Variants in RBFOX1 observed in about 807,000 individuals in gnomAD.
RBFOX1 encodes RNA binding protein fox-1 homolog 1.
RBFOX1 carries 8 observed loss-of-function variants against 57.7 expected under a neutral mutation model. The ratio of observed to expected loss-of-function variants is 0.14; its 90% CI spans 0.08 to 0.25. The LOEUF is 0.25. Among genes scored for constraint, RBFOX1 ranks in the 10% least tolerant of loss-of-function variants. RBFOX1 has a pLI of 1.00. For synonymous variants in RBFOX1, 326 were observed against 222.4 expected (o/e 1.47, Z -4.15); for missense variants, 611 against 548.5 (o/e 1.11, Z -1.14).
intron 2 of RBFOX1, among the ~76,000 whole-genome samples, chr16:6,584,689 A>T (rs570381975): frequency 1.3e-5 from 2 of 152,144 alleles, no homozygotes; most frequent in East Asian, 3.9e-4. Context: ...TTTAAAATAC[A>T]GCACCCCTGA....
chr16:5,495,875 C>T (rs1308508269), intron 2 of RBFOX1, among the ~76,000 whole-genome samples: 7 of 152,220 alleles, frequency 4.6e-5, no homozygotes, highest in African/African-American at 1.2e-4. Context: ...CCTGTAATCC[C>T]GGCACTGTGG....
chr16:7,269,928 T>G (rs987388025), intron 4 of RBFOX1, among the ~76,000 whole-genome samples: 4 of 152,252 alleles, frequency 2.6e-5, no homozygotes, highest in African/African-American at 7.2e-5. Flanking sequence ...TTATTTGGTA[T>G]TATTACATAC....
intron 2 of RBFOX1, among the ~76,000 whole-genome samples, chr16:5,478,559 A>G (rs1453388548): frequency 1.3e-5 from 2 of 152,228 alleles, no homozygotes; most frequent in Admixed American, 6.5e-5. Context: ...CATTGGCCTT[A>G]TGAATGCAGG....
chr16:7,435,041 C>T (rs2098711254), intron 4 of RBFOX1, among the ~76,000 whole-genome samples: 1 of 152,172 alleles, frequency 6.6e-6, no homozygotes, highest in African/African-American at 2.4e-5. Flanking sequence ...TCATATTTTA[C>T]ATATGGTACG....
intron 1 of RBFOX1, among the ~76,000 whole-genome samples, chr16:6,221,015 A>G (rs1028045685): frequency 6.6e-6 from 1 of 152,002 alleles, no homozygotes; most frequent in Admixed American, 6.6e-5. Flanking sequence ...AATTGTCATT[A>G]TATTAGGTGA....
chr16:7,199,418 T>C (rs968950901), intron 4 of RBFOX1, among the ~76,000 whole-genome samples: 5 of 152,210 alleles, frequency 3.3e-5, no homozygotes, highest in Admixed American at 2.6e-4. Context: ...CCCTGAATCA[T>C]GCACTTCAAA....
intron 3 of RBFOX1, among the ~76,000 whole-genome samples, chr16:5,764,656 T>TTCTTTCCAGTC (rs1270096524): frequency 6.6e-6 from 1 of 152,114 alleles, no homozygotes; most frequent in Non-Finnish European, 1.5e-5. Context: ...GAGGCAATTA[T>TTCTTTCCAGTC]CAGTAAACCA....
At chr16:7,473,747 C>G (rs981591547) in intron 4 of RBFOX1, among the ~76,000 whole-genome samples, 7 of 152,018 alleles carry the variant, frequency 4.6e-5, no homozygotes, top group African/African-American at 9.7e-5. Context: ...CCTCCCCAAC[C>G]TCCACTTCTT....
At chr16:6,855,188 G>T (rs1371676534) in intron 3 of RBFOX1, among the ~76,000 whole-genome samples, 2 of 152,020 alleles carry the variant, frequency 1.3e-5, no homozygotes, top group Non-Finnish European at 2.9e-5. Context: ...GATATCCCCA[G>T]TACCCAATAT....
chr16:7,158,740 G>C (rs961866635), intron 4 of RBFOX1, among the ~76,000 whole-genome samples: 2 of 151,794 alleles, frequency 1.3e-5, no homozygotes, highest in African/African-American at 4.8e-5. Context: ...GGTGTGTGTT[G>C]TTTCTGGGTG....
intron 2 of RBFOX1, among the ~76,000 whole-genome samples, chr16:6,603,921 G>C (rs994713519): frequency 6.6e-6 from 1 of 151,090 alleles, no homozygotes. Context: ...GCTCTGGGGC[G>C]AGGGGGCTGT....
At chr16:6,134,514 G>A (rs1027342021) in intron 1 of RBFOX1, among the ~76,000 whole-genome samples, 11 of 152,016 alleles carry the variant, frequency 7.2e-5, no homozygotes, top group South Asian at 2.1e-4. Context: ...CTGTGAGCTC[G>A]GGGAAACCTA....
chr16:6,584,236 A>G lies in RBFOX1; in HGVS notation c.-63-70367A>G, dbSNP rs541523789. ...GTAGATGAAGTTTTAGGGCCCATCA[A>G]AGGTAGTACTCTGAGTGTGATCAAA... On this transcript the variant is annotated intron_variant, in intron 2 of 15. Transcript: ENST00000550418. Among the ~76,000 whole-genome samples, 18 of 151,704 alleles carry G rather than the reference A, an allele frequency of 1.2e-4. No individual in the cohort carries two copies. In the South Asian group the frequency reaches 3.5e-3, roughly 30 times the overall value.
chr16:6,849,166 GCTGAACACT>G (rs1413769962), intron 3 of RBFOX1, among the ~76,000 whole-genome samples: 10 of 152,164 alleles, frequency 6.6e-5, no homozygotes, highest in African/African-American at 2.4e-4. Flanking sequence ...CAAGTAACTT[GCTGAACACT>G]CTTGAATGTA....
intron 2 of RBFOX1, among the ~76,000 whole-genome samples, chr16:6,639,016 C>T (rs1484101321): frequency 2.0e-5 from 3 of 152,198 alleles, no homozygotes; most frequent in East Asian, 3.9e-4. Flanking sequence ...CTGAAAGTAT[C>T]AGTTTCCAAG....
At chr16:5,937,219 G>A (rs976751536) in intron 4 of RBFOX1, among the ~76,000 whole-genome samples, 3 of 152,194 alleles carry the variant, frequency 2.0e-5, no homozygotes, top group African/African-American at 7.2e-5. Context: ...GAAAGAACAC[G>A]AGAGATTGTG....
intron 3 of RBFOX1, among the ~76,000 whole-genome samples, chr16:5,687,282 A>G (rs1036777636): frequency 6.6e-6 from 1 of 152,124 alleles, no homozygotes; most frequent in Non-Finnish European, 1.5e-5. Context: ...TGCCTTCATG[A>G]TGTCCTGGTT....
intron 3 of RBFOX1, among the ~76,000 whole-genome samples, chr16:5,812,405 C>G (rs1307605578): frequency 6.6e-6 from 1 of 151,212 alleles, no homozygotes; most frequent in Non-Finnish European, 1.5e-5. Flanking sequence ...CACCAGCAGT[C>G]TATAAAAGTT....
At chr16:7,219,449 G>A (rs1281020874) in intron 4 of RBFOX1, among the ~76,000 whole-genome samples, 2 of 152,102 alleles carry the variant, frequency 1.3e-5, no homozygotes, top group African/African-American at 2.4e-5. Flanking sequence ...GAGAACCGTC[G>A]GCTGCTCCAA....
Sources: gnomAD v4.1 joint callset for allele counts (sites outside exome capture counted in the v4.1 genomes callset) on GRCh38, gnomAD v4.1.1 for gene constraint, MANE v1.5 for transcripts, NCBI Gene and HGNC (gene_info 2026-07-23, HGNC 2026-07-21) for gene names.